TMEM259: variants seen among roughly 807,000 people sequenced by gnomAD.
TMEM259 encodes membralin.
A neutral mutation model predicts 46.7 loss-of-function variants in TMEM259; 26 were observed. That is an observed-to-expected ratio of 0.56 (90% CI 0.41 to 0.77). TMEM259 has a LOEUF of 0.77. Ranked by LOEUF, TMEM259 falls within the 30% of genes least tolerant of loss-of-function variation. TMEM259 has a pLI of 0.00. For synonymous variants in TMEM259, 494 were observed against 395.1 expected, an observed-to-expected ratio of 1.25 and a Z score of -2.97; for missense variants, 930 against 900.5, an observed-to-expected ratio of 1.03 and a Z score of -0.42.
chr19:1,015,798 G>A (rs936726822), intron 1 of TMEM259, among the ~76,000 whole-genome samples: 2 of 152,198 alleles, frequency 1.3e-5, no homozygotes, highest in Non-Finnish European at 2.9e-5. Context: ...ACAGCCATAG[G>A]CAAGACCACC....
chr19:1,011,531 G>T, intron 8 of TMEM259, 32 bp from the exon 9 acceptor site: 1 of 1,543,684 alleles, frequency 6.5e-7, no homozygotes. Context: ...GTTGAAGCGG[G>T]CGGGGCGGGG....
At chr19:1,012,324 G>C in intron 4 of TMEM259, 136 bp from the exon 5 acceptor site, 1 of 1,496,848 alleles carries the variant, frequency 6.7e-7, no homozygotes, top group East Asian at 2.5e-5. Context: ...CAGGACCCCA[G>C]CCCTGGGAAG....
At position 1,020,123 on chromosome 19, in the gene TMEM259, G is replaced by A. The variant is rs1365464415; in HGVS notation, c.225+649C>T. Reference sequence around the variant, plus strand: ...AGCGGAGGAAGAGGCCGGGGATGGGGTGGTACGCTGCTGCCGGTGACTTTG... The same window carrying A: ...AGCGGAGGAAGAGGCCGGGGATGGGATGGTACGCTGCTGCCGGTGACTTTG... On this transcript the variant is annotated intron_variant, in intron 1 of 10. Transcript: ENST00000356663. The surrounding 1 kb of genome is among the most constrained non-coding windows in gnomAD (Gnocchi z 4.0). Among the ~76,000 whole-genome samples, 1 of 152,158 alleles carries A rather than the reference G, an allele frequency of 6.6e-6. No individual in the cohort carries two copies. Among genetic ancestry groups the A allele is most frequent in the East Asian group, 1.9e-4 (1 of 5,190 alleles).
In TMEM259 at chr19:1,012,583, A is replaced by G. The variant is rs770383050; in HGVS notation, c.608-10T>C. On this transcript the variant is annotated splice_polypyrimidine_tract_variant and intron_variant, in intron 3 of 10. Coordinates refer to ENST00000356663, the MANE Select transcript of TMEM259 (RefSeq NM_001033026.2). ...TCGTCCTGCGGCCACACTGCAGGGC[A>G]GAACCAGGGACCAGGTCAGCGCCCC... 7.0e-6 allele frequency: 11 copies of G among 1,567,604 alleles called. No homozygotes were observed. The highest frequency in any genetic ancestry group is 9.5e-6 in the Non-Finnish European group (11 of 1,156,880).
At position 1,009,826 on chromosome 19, in the gene TMEM259, C is replaced by T. The variant is rs2038836395; in HGVS notation, c.*524G>A. The stretch of plus-strand genomic sequence containing the variant: ...CCCTGGCTGCTGCCACTGATGTTGG[C>T]GCCTGCACCCCACGTCCCTATGCCC... On this transcript the variant is annotated 3_prime_UTR_variant, in exon 11 of 11. Transcript: ENST00000356663. 3 of 453,178 alleles carry T rather than the reference C, an allele frequency of 6.6e-6. No individual in the cohort carries two copies. The highest frequency in any genetic ancestry group is 1.1e-5 in the Non-Finnish European group (3 of 261,842). The allele number at this position is 453,178 out of a possible 1,614,324, so 28.1% of individuals were successfully genotyped here.
intron 10 of TMEM259, 36 bp downstream of exon 10, chr19:1,011,060 G>A (rs750731111): frequency 5.1e-6 from 8 of 1,562,280 alleles, no homozygotes; most frequent in African/African-American, 4.1e-5. Context: ...GGAAAGGCAC[G>A]GCTGGCCTGC....
chr19:1,013,416 G>C, intron 2 of TMEM259, 76 bp from the exon 3 acceptor site: 1 of 1,448,974 alleles, frequency 6.9e-7, no homozygotes, highest in Non-Finnish European at 9.6e-7. Context: ...ATACAGTCCT[G>C]CTAATGGGAA....
At chr19:1,011,284 C>T in intron 9 of TMEM259, 83 bp downstream of exon 9, 1 of 1,538,162 alleles carries the variant, frequency 6.5e-7, no homozygotes, top group Non-Finnish European at 8.7e-7. Flanking sequence ...GCCACCACCC[C>T]CGCCTCCAGC....
chr19:1,011,003 G>A, intron 10 of TMEM259, 93 bp downstream of exon 10: 1 of 1,544,562 alleles, frequency 6.5e-7, no homozygotes, highest in Non-Finnish European at 8.7e-7. Context: ...CTGCCCGCTT[G>A]GGCCGACCCC....
At chr19:1,013,778 G>T in intron 2 of TMEM259, 1 of 282,538 alleles carries the variant, frequency 3.5e-6, no homozygotes, top group Non-Finnish European at 6.8e-6. Flanking sequence ...AGCTGACCGG[G>T]AACCCAGCAC....
At chr19:1,017,876 G>A (rs916201674) in intron 1 of TMEM259, among the ~76,000 whole-genome samples, 5 of 152,144 alleles carry the variant, frequency 3.3e-5, no homozygotes, top group Non-Finnish European at 5.9e-5. Context: ...TTGTCCACCC[G>A]GGGTGCTTCC....
rs2038938633 is a variant in TMEM259, at chr19:1,011,833, T to TG, written c.943-36dup. 7 of 1,587,580 alleles carry TG rather than the reference T, an allele frequency of 4.4e-6. No homozygotes were observed. In the South Asian group the frequency reaches 7.9e-5, roughly 18 times the overall value. On this transcript the variant is annotated intron_variant, in intron 6 of 10. Coordinates refer to ENST00000356663, the MANE Select transcript of TMEM259 (RefSeq NM_001033026.2). Reference sequence around the variant, plus strand: ...GCGCGCAGGAAGCGCTATGAGGGGCTGCGAGGGCCTGCTTGGCTCCCGCCC... The same window carrying TG: ...GCGCGCAGGAAGCGCTATGAGGGGCTGGCGAGGGCCTGCTTGGCTCCCGCCC...
chr19:1,011,791 C>A lies in TMEM259; in HGVS notation c.950G>T (p.Ser317Ile). 6.3e-7 allele frequency: 1 copy of A among 1,576,044 alleles called. No homozygotes were observed. Among genetic ancestry groups the A allele is most frequent in the Middle Eastern group, 1.7e-4 (1 of 6,006 alleles). ...AFAIMVIFTL[S>I]VSMLLRYSHH... ...TGAGTACCGCAGCAGCATGGACACG[C>A]TCAGCGTCTGCAAGGGGCGCGCAGG... Residue 317 changes from serine to isoleucine, a missense_variant, in exon 7 of 11, where the codon AGC becomes ATC. Transcript: ENST00000356663.
intron 1 of TMEM259, among the ~76,000 whole-genome samples, chr19:1,019,347 A>G (rs1489773417): frequency 6.6e-6 from 1 of 152,160 alleles, no homozygotes; most frequent in Non-Finnish European, 1.5e-5. Flanking sequence ...AGGCTACTCC[A>G]TGGAAGGAAA....
At position 1,020,868 on chromosome 19, in the gene TMEM259, C is replaced by G. The variant is rs12275; in HGVS notation, c.129G>C (p.Arg43=). The change falls in exon 1 of 11, where the codon CGG becomes CGC. Residue 43 remains arginine, a synonymous_variant. Coordinates refer to ENST00000356663, the MANE Select transcript of TMEM259 (RefSeq NM_001033026.2). This position sits in a 1 kb window ranked among gnomAD's most constrained non-coding sequence, Gnocchi z 4.0. ...TCTTGAAGAACAGCGCGTGGAAGAG[C>G]CGGTCGCGCACGTTGATGAGGGGGT... ...NPNPLINVRD[R]LFHALFFKMA... The G allele has an allele frequency of 3.0e-6, 4 of 1,352,108 alleles. No individual in the cohort carries two copies. The highest frequency in any genetic ancestry group is 2.9e-6 in the Non-Finnish European group (3 of 1,046,368). 83.8% of individuals were successfully genotyped at this position (1,352,108 alleles called of 1,614,324 possible). A position where few individuals can be genotyped will look rare whatever the true frequency, so the allele number is the denominator to read the frequency against.
At position 1,020,327 on chromosome 19, in the gene TMEM259, G is replaced by A. The variant is rs1242836938; in HGVS notation, c.225+445C>T. The stretch of plus-strand genomic sequence containing the variant: ...GGGTTCTGGGCCAGCACATTGGGAG[G>A]GGAGAGAGGCCTCGGAACTGAGGGT... On this transcript the variant is annotated intron_variant, in intron 1 of 10. Coordinates refer to ENST00000356663, the MANE Select transcript of TMEM259 (RefSeq NM_001033026.2). This position sits in a 1 kb window ranked among gnomAD's most constrained non-coding sequence, Gnocchi z 4.0. Among the ~76,000 whole-genome samples the A allele has an allele frequency of 1.3e-5, 2 of 152,096 alleles. No individual in the cohort carries two copies. Among genetic ancestry groups the A allele is most frequent in the Non-Finnish European group, 2.9e-5 (2 of 67,996 alleles).
At position 1,012,186 on chromosome 19, in the gene TMEM259, G is replaced by T. The variant is rs1314481731; in HGVS notation, c.721C>A (p.Pro241Thr). 1 of 1,598,878 alleles carries T rather than the reference G, an allele frequency of 6.3e-7. No individual in the cohort carries two copies. The highest frequency in any genetic ancestry group is 1.1e-5 in the South Asian group (1 of 89,060). The part of the protein sequence containing the change: ...SIPVMVVTLD[P>T]TRDQCFGDRF... ...TCCCCGAAGCACTGGTCCCGCGTGG[G>T]GTCTGCGGGTGGGTGAATCAGGGAG... Residue 241 changes from proline to threonine, a missense_variant and splice_region_variant, in exon 5 of 11, where the codon CCC (proline) becomes ACC (threonine). Transcript: ENST00000356663.
At chr19:1,015,692 C>T (rs2039084273) in intron 1 of TMEM259, among the ~76,000 whole-genome samples, 1 of 152,242 alleles carries the variant, frequency 6.6e-6, no homozygotes, top group Non-Finnish European at 1.5e-5. Flanking sequence ...CTCAAAATCA[C>T]AAGCCAGAGA....
rs1032083681 is a variant in TMEM259 at position 1,010,298 on chromosome 19, C to T, written c.*52G>A. 4.2e-5 allele frequency: 59 copies of T among 1,393,672 alleles called. No homozygotes were observed. The highest frequency in any genetic ancestry group is 5.3e-5 in the Non-Finnish European group (57 of 1,075,794). The allele number at this position is 1,393,672 out of a possible 1,614,324, so 86.3% of individuals were successfully genotyped here. On this transcript the variant is annotated 3_prime_UTR_variant, in exon 11 of 11. Transcript: ENST00000356663. ...CTGGCCTCCCCCACCCCCACGGGCTCGGGAAGGTCAGGCCCAGCCAGCAGG... is the reference window on the plus strand; with the variant it reads ...CTGGCCTCCCCCACCCCCACGGGCTTGGGAAGGTCAGGCCCAGCCAGCAGG...
Sources: allele counts gnomAD v4.1 joint callset (sites outside exome capture counted in the v4.1 genomes callset), GRCh38; gene constraint gnomAD v4.1.1; non-coding constraint Gnocchi (gnomAD v3.1); transcripts MANE v1.5; gene names NCBI Gene and HGNC (gene_info 2026-07-23, HGNC 2026-07-21).